RARB: variants seen among roughly 807,000 people sequenced by gnomAD.
RARB encodes the protein retinoic acid receptor beta, also known as HBV-activated protein.
In RARB, 17 loss-of-function variants were observed where a neutral mutation model predicts 51.9. That is an observed-to-expected ratio of 0.33 (90% CI 0.22 to 0.49). The LOEUF (loss-of-function observed/expected upper bound fraction) is 0.49. Among genes scored for constraint, RARB ranks in the 20% least tolerant of loss-of-function variants. RARB has a pLI of 0.99. For synonymous variants in RARB, 215 were observed against 195.4 expected, an observed-to-expected ratio of 1.10 and a Z score of -0.84; for missense variants, 369 against 550.8, an observed-to-expected ratio of 0.67 and a Z score of 3.30.
intron 5 of RARB, among the ~76,000 whole-genome samples, chr3:25,281,392 G>A (rs1490219737): frequency 6.6e-6 from 1 of 152,216 alleles, no homozygotes; most frequent in Non-Finnish European, 1.5e-5. Context: ...AAGGCCACTA[G>A]CTATGACTTC....
At position 25,465,276 on chromosome 3, in the gene RARB, A is replaced by C. The variant is rs150496752; in HGVS notation, c.306+3935A>C. On this transcript the variant is annotated intron_variant, in intron 2 of 7. Transcript: ENST00000330688. The stretch of plus-strand genomic sequence containing the variant: ...TCTTCTTGAATTCTGCCTGTATTTA[A>C]TTTGATATTTACTATGGGCCCTGTG... 7.2e-3 allele frequency among the ~76,000 whole-genome samples: 1,102 copies of C among 152,278 alleles called. 9 individuals are homozygous for C. Among genetic ancestry groups the C allele is most frequent in the Middle Eastern group, 0.017 (5 of 294 alleles).
intron 5 of RARB, among the ~76,000 whole-genome samples, chr3:25,205,072 C>A (rs975567094): frequency 3.3e-5 from 5 of 152,174 alleles, no homozygotes; most frequent in African/African-American, 1.2e-4. Flanking sequence ...GTGGGCTCTA[C>A]CCGGTTCGAG....
At chr3:25,332,295 A>T (rs1704923790) in intron 5 of RARB, among the ~76,000 whole-genome samples, 1 of 152,204 alleles carries the variant, frequency 6.6e-6, no homozygotes, top group Admixed American at 6.5e-5. Flanking sequence ...TGGCAAACTG[A>T]ATCCAGCAGC....
intron 3 of RARB, among the ~76,000 whole-genome samples, chr3:25,545,798 C>G (rs1050069651): frequency 6.6e-6 from 1 of 152,176 alleles, no homozygotes; most frequent in Non-Finnish European, 1.5e-5. Context: ...GTACCAGGCA[C>G]TCTTCCGGGT....
At chr3:25,487,814 C>G (rs1244885405) in intron 2 of RARB, among the ~76,000 whole-genome samples, 1 of 152,192 alleles carries the variant, frequency 6.6e-6, no homozygotes, top group East Asian at 1.9e-4. Context: ...TTCTAATGCT[C>G]ACTAAGGCGT....
At chr3:25,581,431 C>G (rs909025215) in intron 5 of RARB, among the ~76,000 whole-genome samples, 1 of 152,110 alleles carries the variant, frequency 6.6e-6, no homozygotes, top group Non-Finnish European at 1.5e-5. Context: ...CCTGAAGCCC[C>G]CACCAGGGAA....
chr3:25,506,252 CAAA>C (rs35856686), intron 3 of RARB, among the ~76,000 whole-genome samples: 8 of 57,752 alleles, frequency 1.4e-4, no homozygotes, highest in Non-Finnish European at 1.9e-4. Context: ...GACTCCATCT[CAAA>C]AAAAAAAAAA....
intron 5 of RARB, among the ~76,000 whole-genome samples, chr3:25,387,597 C>T (rs975880465): frequency 1.3e-5 from 2 of 152,138 alleles, no homozygotes; most frequent in African/African-American, 4.8e-5. Flanking sequence ...GCTCCCTCCC[C>T]ACGAGTCTTC....
chr3:25,270,923 C>T (rs1405063247), intron 5 of RARB, among the ~76,000 whole-genome samples: 2 of 152,226 alleles, frequency 1.3e-5, no homozygotes, highest in Non-Finnish European at 2.9e-5. Context: ...AGTTTTGTGT[C>T]GGGGCTTAAG....
At chr3:25,285,418 C>T (rs1293163532) in intron 5 of RARB, among the ~76,000 whole-genome samples, 1 of 152,022 alleles carries the variant, frequency 6.6e-6, no homozygotes, top group African/African-American at 2.4e-5. Context: ...GCAGGCTGTG[C>T]AGGGGTTTGT....
At chr3:25,536,975 C>G (rs747208856) in intron 3 of RARB, among the ~76,000 whole-genome samples, 1 of 152,172 alleles carries the variant, frequency 6.6e-6, no homozygotes, top group African/African-American at 2.4e-5. Flanking sequence ...GAGTAACAGA[C>G]GAAATTCCCA....
chr3:25,448,422 A>T (rs371594134), intron 1 of RARB, among the ~76,000 whole-genome samples: 2 of 152,192 alleles, frequency 1.3e-5, no homozygotes, highest in East Asian at 1.9e-4. Flanking sequence ...ACAATGTAGC[A>T]TTCCTGTAGT....
intron 6 of RARB, 102 bp from the exon 7 acceptor site, chr3:25,594,418 T>TA: frequency 8.1e-7 from 1 of 1,241,520 alleles, no homozygotes; most frequent in Non-Finnish European, 1.1e-6. Context: ...GTAATTGAAT[T>TA]ACCAAATTAA....
At chr3:24,959,710 C>T (rs1696097685) in intron 2 of RARB, among the ~76,000 whole-genome samples, 1 of 151,928 alleles carries the variant, frequency 6.6e-6, no homozygotes, top group Non-Finnish European at 1.5e-5. Context: ...AAATGAAAAG[C>T]CAGAGGATAA....
chr3:24,912,992 T>TG (rs1695025726), intron 2 of RARB, among the ~76,000 whole-genome samples: 1 of 131,528 alleles, frequency 7.6e-6, no homozygotes, highest in Non-Finnish European at 1.6e-5. Flanking sequence ...TTTTTTTTTT[T>TG]TTTTTGGAGA....
chr3:25,068,410 G>A lies in RARB; in HGVS notation c.-328+8234G>A, dbSNP rs141968623. Among the ~76,000 whole-genome samples the A allele has an allele frequency of 3.1e-3, 477 of 152,138 alleles. 1 individual carries two copies. The highest frequency in any genetic ancestry group is 0.011 in the African/African-American group (457 of 41,512). On this transcript the variant is annotated intron_variant, in intron 3 of 11. Coordinates refer to the RARB transcript ENST00000383772. ...TTCTCCCATGACAAGATATTTGAAA[G>A]ATAGTTTGAGGAGGAAAGAAATAGA...
chr3:24,912,454 C>T (rs1275538158), intron 2 of RARB, among the ~76,000 whole-genome samples: 1 of 152,084 alleles, frequency 6.6e-6, no homozygotes, highest in Non-Finnish European at 1.5e-5. Context: ...TCGGTGTCCT[C>T]AAATATGTGA....
intron 3 of RARB, among the ~76,000 whole-genome samples, chr3:25,074,904 T>G (rs977894805): frequency 2.6e-5 from 4 of 152,202 alleles, no homozygotes; most frequent in African/African-American, 9.6e-5. Flanking sequence ...GCAAATAATT[T>G]AGGGAATGTG....
rs367557798 is a variant in RARB at position 24,995,852 on chromosome 3, ATTTGG to A, written c.-379-64268_-379-64264del. On this transcript the variant is annotated intron_variant, in intron 2 of 11. Transcript: ENST00000383772. ...CACTATATTTTTGATGTGTTGTTGGATTTGGTTTGCTAGTGTTTTGTTAAGGATTT... is the reference window on the plus strand; with the variant it reads ...CACTATATTTTTGATGTGTTGTTGGATTTGCTAGTGTTTTGTTAAGGATTT... 5.0e-3 allele frequency among the ~76,000 whole-genome samples: 765 copies of A among 151,986 alleles called. 7 individuals carry two copies. Among genetic ancestry groups the A allele is most frequent in the African/African-American group, 0.017 (715 of 41,484 alleles).
Sources: gnomAD v4.1 joint callset for allele counts (sites outside exome capture counted in the v4.1 genomes callset) on GRCh38, gnomAD v4.1.1 for gene constraint, MANE v1.5 for transcripts, NCBI Gene and HGNC (gene_info 2026-07-23, HGNC 2026-07-21) for gene names.